NDUFAF6: variants seen among roughly 807,000 people sequenced by gnomAD.
NDUFAF6 encodes the protein NADH dehydrogenase (ubiquinone) complex I, assembly factor 6.
NDUFAF6 carries 45 observed loss-of-function variants against 40.8 expected under a neutral mutation model. The observed-to-expected ratio is 1.10, with a 90% CI of 0.87 to 1.42. The LOEUF (loss-of-function observed/expected upper bound fraction) is 1.42. Among genes scored for constraint, NDUFAF6 ranks in the 40% most tolerant of loss-of-function variants. The probability of loss-of-function intolerance (pLI) is 0.00; values close to 1 mark genes in which losing one functional copy is unlikely to be tolerated. For synonymous variants in NDUFAF6, 185 were observed against 155.9 expected, an observed-to-expected ratio of 1.19 and a Z score of -1.39; for missense variants, 435 against 418.5, an observed-to-expected ratio of 1.04 and a Z score of -0.34.
At chr8:95,084,561 T>C (rs528985303) in intron 2 of NDUFAF6, among the ~76,000 whole-genome samples, 16 of 152,330 alleles carry the variant, frequency 1.1e-4, no homozygotes, top group Middle Eastern at 6.8e-3. Flanking sequence ...AGAGTTAACT[T>C]GTGATTTGGC....
intron 2 of NDUFAF6, among the ~76,000 whole-genome samples, chr8:95,090,069 G>A (rs533054910): frequency 1.2e-4 from 18 of 152,228 alleles, no homozygotes; most frequent in African/African-American, 4.1e-4. Context: ...CAGTTTACAA[G>A]ACCCTGCACC....
At chr8:94,940,031 G>C in intron 1 of NDUFAF6, 1 of 1,614,172 alleles carries the variant, frequency 6.2e-7, no homozygotes, top group Non-Finnish European at 8.5e-7. Context: ...AAAACATGGG[G>C]GTGGGGTGAT....
At chr8:95,079,146 A>G (rs886561939), downstream of NDUFAF6, among the ~76,000 whole-genome samples, 2 of 151,784 alleles carry the variant, frequency 1.3e-5, no homozygotes, top group African/African-American at 4.8e-5. Context: ...TAATTTTTGT[A>G]TTTTTAGTAG....
chr8:95,061,114 G>A (rs898588448), downstream of NDUFAF6, among the ~76,000 whole-genome samples: 2 of 152,122 alleles, frequency 1.3e-5, no homozygotes, highest in South Asian at 2.1e-4. Context: ...GCCAGGAAAC[G>A]GAATGGATGG....
rs1395060132 is a variant in NDUFAF6 at position 95,065,398 on chromosome 8, T to C, written c.*512-10235T>C. ...GCTGGTGGGGAAAAATTTCCACATA[T>C]TTCTACTGACAACCACTATTAACGT... On this transcript the variant is annotated intron_variant and NMD_transcript_variant, in intron 9 of 9. Transcript: ENST00000520757. Among the ~76,000 whole-genome samples, 3 of 152,228 alleles carry C rather than the reference T, an allele frequency of 2.0e-5. No homozygotes were observed. In the South Asian group the frequency reaches 6.2e-4, roughly 31 times the overall value.
downstream of NDUFAF6, among the ~76,000 whole-genome samples, chr8:95,105,247 A>G (rs1563870938): frequency 6.6e-6 from 1 of 152,248 alleles, no homozygotes; most frequent in East Asian, 1.9e-4. Flanking sequence ...ATCAACAAAG[A>G]GAGCCTGACC....
intron 1 of NDUFAF6, among the ~76,000 whole-genome samples, chr8:94,900,165 G>C (rs1817924083): frequency 6.6e-6 from 1 of 152,042 alleles, no homozygotes; most frequent in Non-Finnish European, 1.5e-5. Flanking sequence ...GCTGTAGGGA[G>C]CCCCTGGGGA....
At chr8:95,030,807 C>T (rs1259419071) in intron 1 of NDUFAF6, among the ~76,000 whole-genome samples, 1 of 152,202 alleles carries the variant, frequency 6.6e-6, no homozygotes, top group Non-Finnish European at 1.5e-5. Flanking sequence ...TTCTTTGACT[C>T]ATGGTTCTGC....
intron 9 of NDUFAF6, among the ~76,000 whole-genome samples, chr8:95,074,161 G>A (rs1465239331): frequency 6.6e-6 from 1 of 151,908 alleles, no homozygotes; most frequent in Non-Finnish European, 1.5e-5. Flanking sequence ...GTTCGTTCTA[G>A]AATTATTTCT....
intron 1 of NDUFAF6, among the ~76,000 whole-genome samples, chr8:94,908,910 CCA>C (rs1818556809): frequency 6.6e-6 from 1 of 152,088 alleles, no homozygotes; most frequent in Non-Finnish European, 1.5e-5. Context: ...AGGAAATTAT[CCA>C]CATTTTATAA....
At chr8:94,952,514 A>G (rs1822708987) in intron 2 of NDUFAF6, among the ~76,000 whole-genome samples, 1 of 152,228 alleles carries the variant, frequency 6.6e-6, no homozygotes, top group Non-Finnish European at 1.5e-5. Context: ...TTTAAATTGC[A>G]TTTTAGATAA....
intron 2 of NDUFAF6, among the ~76,000 whole-genome samples, chr8:94,996,682 G>A (rs916780345): frequency 2.0e-5 from 3 of 152,156 alleles, no homozygotes; most frequent in Non-Finnish European, 2.9e-5. Flanking sequence ...TTCATAAGTC[G>A]AAGTCTTAAC....
intron 2 of NDUFAF6, among the ~76,000 whole-genome samples, chr8:95,092,994 T>G (rs891693383): frequency 3.9e-5 from 6 of 152,238 alleles, no homozygotes; most frequent in African/African-American, 7.2e-5. Context: ...ATGAGAACAT[T>G]TGTCCCTAAG....
At chr8:94,964,745 CT>C (rs1823872955) in intron 1 of NDUFAF6, among the ~76,000 whole-genome samples, 1 of 152,224 alleles carries the variant, frequency 6.6e-6, no homozygotes, top group South Asian at 2.1e-4. Flanking sequence ...TCATCTGCCC[CT>C]GTGACCAAAT....
chr8:95,008,212 G>T (rs1393371721), intron 2 of NDUFAF6, among the ~76,000 whole-genome samples: 2 of 152,118 alleles, frequency 1.3e-5, no homozygotes, highest in African/African-American at 4.8e-5. Flanking sequence ...TAGTTGATTT[G>T]GGGAAAGCAC....
chr8:95,000,566 A>T (rs1418020383), intron 2 of NDUFAF6, among the ~76,000 whole-genome samples: 2 of 152,062 alleles, frequency 1.3e-5, no homozygotes, highest in Admixed American at 6.6e-5. Flanking sequence ...GCATATTTTA[A>T]TCTAAAAGTA....
At chr8:94,990,885 C>T (rs535448767) in intron 2 of NDUFAF6, among the ~76,000 whole-genome samples, 16 of 152,336 alleles carry the variant, frequency 1.1e-4, no homozygotes, top group African/African-American at 3.6e-4. Flanking sequence ...CAGGTTTCCC[C>T]ATTTATGCTC....
intron 2 of NDUFAF6, among the ~76,000 whole-genome samples, chr8:94,994,547 AAG>A (rs1263987952): frequency 6.6e-6 from 1 of 151,726 alleles, no homozygotes; most frequent in Non-Finnish European, 1.5e-5. Flanking sequence ...AAAAAAAAAA[AAG>A]AAGATGGACT....
chr8:94,913,915 C>A (rs1818949374), intron 1 of NDUFAF6, among the ~76,000 whole-genome samples: 1 of 152,112 alleles, frequency 6.6e-6, no homozygotes, highest in Non-Finnish European at 1.5e-5. Context: ...CCTCAGCCTC[C>A]TGAGTAGCTG....
Sources: allele counts gnomAD v4.1 joint callset (sites outside exome capture counted in the v4.1 genomes callset), GRCh38; gene constraint gnomAD v4.1.1; transcripts MANE v1.5; gene names NCBI Gene and HGNC (gene_info 2026-07-23, HGNC 2026-07-21).